GNAO1: variants seen among roughly 807,000 people sequenced by gnomAD.
GNAO1 encodes the protein guanine nucleotide-binding protein G(o) subunit alpha.
For synonymous variants in GNAO1, 164 were observed against 180.7 expected, an observed-to-expected ratio of 0.91 and a Z score of 0.74; for missense variants, 166 against 478.7, an observed-to-expected ratio of 0.35 and a Z score of 6.10.
intron 2 of GNAO1, among the ~76,000 whole-genome samples, chr16:56,218,883 G>A (rs1468102100): frequency 2.0e-5 from 3 of 152,180 alleles, no homozygotes; most frequent in Non-Finnish European, 2.9e-5. Flanking sequence ...GACCGCTGGT[G>A]TTTCAATTGC....
intron 6 of GNAO1, among the ~76,000 whole-genome samples, chr16:56,339,208 G>A (rs1319629042): frequency 6.6e-6 from 1 of 152,228 alleles, no homozygotes; most frequent in East Asian, 1.9e-4. Flanking sequence ...GGACAGCTTG[G>A]GAGTCAGACA....
chr16:56,200,430 T>G (rs1304976434), intron 2 of GNAO1, among the ~76,000 whole-genome samples: 1 of 152,178 alleles, frequency 6.6e-6, no homozygotes, highest in Non-Finnish European at 1.5e-5. Flanking sequence ...ATGGAATGTG[T>G]TCATCATTTT....
At position 56,357,430 on chromosome 16, in the gene GNAO1, G is replaced by A. The variant is rs34498910; in HGVS notation, c.*1356G>A. The stretch of plus-strand genomic sequence containing the variant: ...AATTCCTGTGTAGCTCAATAAAAGA[G>A]AATGTTTGTCTGTACTCCTGAGTCT... On this transcript the variant is annotated 3_prime_UTR_variant, in exon 9 of 9. Transcript: ENST00000262493. 1 of 152,234 alleles carries A rather than the reference G, an allele frequency of 6.6e-6. No homozygotes were observed. Among genetic ancestry groups the A allele is most frequent in the Non-Finnish European group, 1.5e-5 (1 of 68,048 alleles). The allele number at this position is 152,234 out of a possible 1,614,324, so 9.4% of individuals were successfully genotyped here. A position where few individuals can be genotyped will look rare whatever the true frequency, so the allele number is the denominator to read the frequency against.
chr16:56,230,937 C>T (rs1208319219), intron 2 of GNAO1, among the ~76,000 whole-genome samples: 1 of 152,204 alleles, frequency 6.6e-6, no homozygotes, highest in Non-Finnish European at 1.5e-5. Context: ...TCTGCAACCT[C>T]TCAGCCCGGG....
intron 3 of GNAO1, among the ~76,000 whole-genome samples, chr16:56,327,515 A>C (rs553124319): frequency 6.6e-6 from 1 of 152,018 alleles, no homozygotes; most frequent in South Asian, 2.1e-4. Flanking sequence ...GTGTTCACCA[A>C]ATCCTTTGTA....
chr16:56,308,921 C>T (rs2037426368), intron 3 of GNAO1, among the ~76,000 whole-genome samples: 1 of 152,110 alleles, frequency 6.6e-6, no homozygotes, highest in Non-Finnish European at 1.5e-5. Flanking sequence ...CCCCCACCCC[C>T]ACCTTTTCAT....
chr16:56,308,889 G>A (rs1248152579), intron 3 of GNAO1, among the ~76,000 whole-genome samples: 2 of 152,142 alleles, frequency 1.3e-5, no homozygotes, highest in Admixed American at 6.5e-5. Flanking sequence ...CAGAGGACGG[G>A]TTAGGATGGA....
intron 3 of GNAO1, among the ~76,000 whole-genome samples, chr16:56,284,358 G>C (rs1408484046): frequency 6.6e-6 from 1 of 152,140 alleles, no homozygotes; most frequent in Non-Finnish European, 1.5e-5. Flanking sequence ...GCAAGCTCCT[G>C]GTTTGAGGGA....
chr16:56,331,043 T>C lies in GNAO1; in HGVS notation c.464+2252T>C, dbSNP rs570025280. Reference sequence around the variant, plus strand: ...GCTTCTGACAAAGTCTTGGGCCCAGTATAGAAAGCAGATCAGAGTAGGTTT... The same window carrying C: ...GCTTCTGACAAAGTCTTGGGCCCAGCATAGAAAGCAGATCAGAGTAGGTTT... On this transcript the variant is annotated intron_variant, in intron 4 of 8. Coordinates refer to ENST00000262493, the MANE Select transcript of GNAO1 (RefSeq NM_020988.3). 7.9e-5 allele frequency among the ~76,000 whole-genome samples: 12 copies of C among 152,246 alleles called. No homozygotes were observed. In the South Asian group the frequency reaches 2.5e-3, roughly 32 times the overall value.
Position 56,311,973 on chromosome 16 carries a change from G to T in GNAO1, c.304-16658G>T, listed in dbSNP as rs2037463205. ...GTTCCCCTGGGTGGGCACCAGCCAA[G>T]CCCTCTGGGAGCTGAGAAGAGCAGG... On this transcript the variant is annotated intron_variant, in intron 3 of 8. Transcript: ENST00000262493. The surrounding 1 kb of genome is among the most constrained non-coding windows in gnomAD (Gnocchi z 5.2). 6.6e-6 allele frequency among the ~76,000 whole-genome samples: 1 copy of T among 152,176 alleles called. No homozygotes were observed. Among genetic ancestry groups the T allele is most frequent in the South Asian group, 2.1e-4 (1 of 4,818 alleles).
Position 56,297,064 on chromosome 16 carries a change from C to T in GNAO1, c.303+20992C>T, listed in dbSNP as rs534172826. ...GTACTAATACTCCTGGAAGGAGAAG[C>T]GTCTACCAGTAGGGATTAGCCATCA... is the stretch of plus-strand genomic sequence containing the variant. On this transcript the variant is annotated intron_variant, in intron 3 of 8. Transcript: ENST00000262493. Among the ~76,000 whole-genome samples, 4 of 152,288 alleles carry T rather than the reference C, an allele frequency of 2.6e-5. No homozygotes were observed. The South Asian group carries it at 8.3e-4, about 32-fold the overall frequency.
intron 2 of GNAO1, among the ~76,000 whole-genome samples, chr16:56,210,034 T>G (rs1159406430): frequency 6.6e-6 from 1 of 152,210 alleles, no homozygotes; most frequent in African/African-American, 2.4e-5. Context: ...AAAAATCCTC[T>G]GTGCTCCACC....
In GNAO1 at chr16:56,351,547, A is replaced by G; in HGVS notation, c.877+10A>G. Reference sequence around the variant, plus strand: ...TTTCCTGAATACACAGGTGGGTGCCAGGCAGTCCTGTGCAGGGGGAAGCCT... The same window carrying G: ...TTTCCTGAATACACAGGTGGGTGCCGGGCAGTCCTGTGCAGGGGGAAGCCT... On this transcript the variant is annotated intron_variant, in intron 7 of 8. Coordinates refer to ENST00000262493, the MANE Select transcript of GNAO1 (RefSeq NM_020988.3). The surrounding 1 kb of genome is among the most constrained non-coding windows in gnomAD (Gnocchi z 6.1). 1.2e-6 allele frequency: 2 copies of G among 1,608,432 alleles called. No homozygotes were observed. Among genetic ancestry groups the G allele is most frequent in the Non-Finnish European group, 1.7e-6 (2 of 1,177,514 alleles).
At chr16:56,224,899 T>C (rs558955885) in intron 2 of GNAO1, among the ~76,000 whole-genome samples, 8 of 152,346 alleles carry the variant, frequency 5.3e-5, no homozygotes, top group Non-Finnish European at 8.8e-5. Context: ...TCGTTTCAGG[T>C]GCCCTTTAGA....
At chr16:56,303,069 G>A (rs1374808710) in intron 3 of GNAO1, among the ~76,000 whole-genome samples, 1 of 152,170 alleles carries the variant, frequency 6.6e-6, no homozygotes, top group Non-Finnish European at 1.5e-5. Flanking sequence ...GGCCTGAAAC[G>A]GGACCTCCAC....
chr16:56,284,955 G>T (rs1282258432), intron 3 of GNAO1, among the ~76,000 whole-genome samples: 1 of 152,210 alleles, frequency 6.6e-6, no homozygotes, highest in Non-Finnish European at 1.5e-5. Flanking sequence ...CGGTGGCTCA[G>T]CCTGGAGCAG....
At chr16:56,242,776 G>T (rs1446988967) in intron 2 of GNAO1, among the ~76,000 whole-genome samples, 6 of 152,152 alleles carry the variant, frequency 3.9e-5, no homozygotes, top group Non-Finnish European at 8.8e-5. Context: ...AACAACAAAA[G>T]AAAAACAATA....
At chr16:56,347,497 A>G in intron 6 of GNAO1, 2 of 984,930 alleles carry the variant, frequency 2.0e-6, no homozygotes, top group Non-Finnish European at 2.4e-6. Flanking sequence ...CCCAGAGAGG[A>G]GCTGGGGCCT....
chr16:56,215,295 T>C (rs2143344700), intron 2 of GNAO1, among the ~76,000 whole-genome samples: 1 of 152,352 alleles, frequency 6.6e-6, no homozygotes, highest in African/African-American at 2.4e-5. Flanking sequence ...CCCATAGAGA[T>C]GACTTCTTTG....
Sources: gnomAD v4.1 joint callset for allele counts (sites outside exome capture counted in the v4.1 genomes callset) on GRCh38, gnomAD v4.1.1 for gene constraint, Gnocchi (gnomAD v3.1) non-coding constraint, MANE v1.5 for transcripts, NCBI Gene and HGNC (gene_info 2026-07-23, HGNC 2026-07-21) for gene names.